Variants in PTGFR observed in about 807,000 individuals in gnomAD.
The protein encoded by PTGFR is prostaglandin F2-alpha receptor.
Under a neutral mutation model 26.2 loss-of-function variants are expected in PTGFR, and 15 were observed. The observed-to-expected ratio is 0.57, with a 90% confidence interval of 0.38 to 0.88. The LOEUF (loss-of-function observed/expected upper bound fraction) is 0.88, where lower values mean the gene tolerates loss of function less well. Ranked by LOEUF, PTGFR falls within the 40% of genes least tolerant of loss-of-function variation. PTGFR has a pLI of 0.00. For missense variants in PTGFR, 369 were observed against 427.2 expected (o/e 0.86, Z 1.20); for synonymous variants, 165 against 151.1 (o/e 1.09, Z -0.68).
chr1:78,497,445 A>G (rs1175402128), intron 2 of PTGFR, among the ~76,000 whole-genome samples: 1 of 152,158 alleles, frequency 6.6e-6, no homozygotes, highest in Non-Finnish European at 1.5e-5. Context: ...TAAATATTGA[A>G]CACATTCTCC....
At chr1:78,510,301 CTGCAGGTTG>C (rs1321840341) in intron 2 of PTGFR, among the ~76,000 whole-genome samples, 1 of 152,174 alleles carries the variant, frequency 6.6e-6, no homozygotes, top group Admixed American at 6.5e-5. Flanking sequence ...GCTCATGGTT[CTGCAGGTTG>C]TAGAGAAAGC....
At chr1:78,520,470 G>A (rs990686935) in intron 2 of PTGFR, among the ~76,000 whole-genome samples, 4 of 151,964 alleles carry the variant, frequency 2.6e-5, no homozygotes, top group Non-Finnish European at 5.9e-5. Flanking sequence ...TTTATACACT[G>A]GAAAGAGAAT....
At chr1:78,505,114 T>A (rs1188010541) in intron 2 of PTGFR, among the ~76,000 whole-genome samples, 1 of 149,436 alleles carries the variant, frequency 6.7e-6, no homozygotes, top group East Asian at 2.0e-4. Flanking sequence ...AGCACTTTTA[T>A]TCTAACTTTT....
rs3835475 is a variant in PTGFR at position 78,529,377 on chromosome 1, A to AT, written c.799-7023dup. On this transcript the variant is annotated intron_variant, in intron 2 of 2. Coordinates refer to ENST00000370757, the MANE Select transcript of PTGFR (RefSeq NM_000959.4). ...TTCAGTCATGATATTTTAGATAAAC[A>AT]TTTTTTATTAGGATGAAAATGTCTT... is the stretch of plus-strand genomic sequence containing the variant. Among the ~76,000 whole-genome samples, 4 of 152,258 alleles carry AT rather than the reference A, an allele frequency of 2.6e-5. No individual in the cohort carries two copies. The East Asian group carries it at 7.7e-4, about 29-fold the overall frequency.
intron 2 of PTGFR, among the ~76,000 whole-genome samples, chr1:78,509,695 A>G (rs1649917472): frequency 6.6e-6 from 1 of 152,224 alleles, no homozygotes; most frequent in Non-Finnish European, 1.5e-5. Context: ...AGTAATTTCC[A>G]TTGCATGCTA....
In PTGFR at chr1:78,511,161, C is replaced by G. The variant is rs1341360727; in HGVS notation, c.798+17620C>G. ...TTCCAGGGTCTGGAGGATGGTGGCC[C>G]CCTTCCCACAGCTCTACTAGGCAAT... is the stretch of plus-strand genomic sequence containing the variant. On this transcript the variant is annotated intron_variant, in intron 2 of 2. Transcript: ENST00000370757. Among the ~76,000 whole-genome samples the G allele has an allele frequency of 5.3e-5, 8 of 152,264 alleles. No individual in the cohort carries two copies. In the East Asian group the frequency reaches 1.5e-3, roughly 29 times the overall value.
At chr1:78,502,806 A>G (rs1649741310) in intron 2 of PTGFR, among the ~76,000 whole-genome samples, 1 of 152,150 alleles carries the variant, frequency 6.6e-6, no homozygotes, top group Admixed American at 6.6e-5. Context: ...TAATCACTGT[A>G]ATTTAACTGT....
At chr1:78,504,380 T>C (rs1246805175) in intron 2 of PTGFR, among the ~76,000 whole-genome samples, 6 of 152,168 alleles carry the variant, frequency 3.9e-5, no homozygotes, top group African/African-American at 1.4e-4. Context: ...TTATTACAGT[T>C]GTTGGGCATT....
chr1:78,491,624 G>T (rs1387462786), intron 1 of PTGFR, among the ~76,000 whole-genome samples: 1 of 152,234 alleles, frequency 6.6e-6, no homozygotes, highest in Non-Finnish European at 1.5e-5. Flanking sequence ...AAGTTTCAGC[G>T]AGTTCGTTAG....
rs907408586 is a variant in PTGFR at position 78,538,806 on chromosome 1, A to C, written c.*2119A>C. ...ATAAATGGCACAAATAGTTTCAATA[A>C]ATTTACCAATTTGAGTGTTTTCAGC... is the stretch of plus-strand genomic sequence containing the variant. On this transcript the variant is annotated 3_prime_UTR_variant, in exon 3 of 3. Transcript: ENST00000370757. 1 of 152,090 alleles carries C rather than the reference A, an allele frequency of 6.6e-6. No homozygotes were observed. Among genetic ancestry groups the C allele is most frequent in the Non-Finnish European group, 1.5e-5 (1 of 67,996 alleles). 9.4% of individuals were successfully genotyped at this position (152,090 alleles called of 1,614,324 possible). A position where few individuals can be genotyped will look rare whatever the true frequency, so the allele number is the denominator to read the frequency against.
At chr1:78,494,934 T>A (rs1052830608) in intron 2 of PTGFR, among the ~76,000 whole-genome samples, 1 of 152,210 alleles carries the variant, frequency 6.6e-6, no homozygotes, top group African/African-American at 2.4e-5. Context: ...ACGATCCAGA[T>A]GATTTTGATA....
In PTGFR at chr1:78,532,960, A is replaced by G. The variant is rs180882237; in HGVS notation, c.799-3446A>G. ...ATCCACAAGGAAATATATAAGGCTA[A>G]TGTAGTCCTGGAGGCACAGATAGTA... On this transcript the variant is annotated intron_variant, in intron 2 of 2. Transcript: ENST00000370757. Among the ~76,000 whole-genome samples, 5 of 152,290 alleles carry G rather than the reference A, an allele frequency of 3.3e-5. No individual in the cohort carries two copies. In the East Asian group the frequency reaches 7.7e-4, roughly 24 times the overall value.
At chr1:78,510,525 C>G (rs76390572) in intron 2 of PTGFR, among the ~76,000 whole-genome samples, 4,435 of 152,240 alleles carry the variant, frequency 0.029, 225 homozygotes, top group African/African-American at 0.1. Context: ...TGAAGCCATT[C>G]ATGAGAGACC....
chr1:78,512,855 G>A (rs561638102), intron 2 of PTGFR, among the ~76,000 whole-genome samples: 1 of 152,176 alleles, frequency 6.6e-6, no homozygotes, highest in Admixed American at 6.5e-5. Context: ...GTGATATCTG[G>A]CATGATATCT....
chr1:78,533,940 A>G (rs1216705820), intron 2 of PTGFR, among the ~76,000 whole-genome samples: 1 of 152,152 alleles, frequency 6.6e-6, no homozygotes, highest in Non-Finnish European at 1.5e-5. Flanking sequence ...CAATGAACAT[A>G]TACTATCCTT....
At chr1:78,523,909 G>C (rs905976008) in intron 2 of PTGFR, among the ~76,000 whole-genome samples, 7 of 152,090 alleles carry the variant, frequency 4.6e-5, no homozygotes, top group Non-Finnish European at 8.8e-5. Flanking sequence ...TAACTCTTGG[G>C]AACTATATGC....
intron 2 of PTGFR, among the ~76,000 whole-genome samples, chr1:78,529,940 G>A (rs1057018538): frequency 1.3e-5 from 2 of 152,248 alleles, no homozygotes; most frequent in Admixed American, 1.3e-4. Flanking sequence ...AATCTAATGC[G>A]TGATGATCTG....
chr1:78,501,370 A>T (rs1649701420), intron 2 of PTGFR, among the ~76,000 whole-genome samples: 1 of 152,206 alleles, frequency 6.6e-6, no homozygotes, highest in South Asian at 2.1e-4. Flanking sequence ...AGTGTCATTT[A>T]TCTGTACTCA....
intron 1 of PTGFR, among the ~76,000 whole-genome samples, chr1:78,491,924 T>C (rs758116862): frequency 1.3e-5 from 2 of 152,128 alleles, no homozygotes; most frequent in Non-Finnish European, 2.9e-5. Context: ...AAGCAAATAC[T>C]TCGCCTTGAA....
Sources: allele counts gnomAD v4.1 joint callset (sites outside exome capture counted in the v4.1 genomes callset), GRCh38; gene constraint gnomAD v4.1.1; transcripts MANE v1.5; gene names NCBI Gene and HGNC (gene_info 2026-07-23, HGNC 2026-07-21).